The following GALNT10 variants were observed in gnomAD, a reference collection of about 807,000 sequenced individuals.
GALNT10 encodes the protein polypeptide N-acetylgalactosaminyltransferase 10, also known as GalNAc transferase 10.
In GALNT10, 41 loss-of-function variants were observed where a neutral mutation model predicts 75.0. The ratio of observed to expected loss-of-function variants is 0.55; its 90% CI spans 0.43 to 0.71. GALNT10 has a LOEUF of 0.71. Among genes scored for constraint, GALNT10 ranks in the 30% least tolerant of loss-of-function variants. The pLI is 0.00. For missense variants in GALNT10, 727 were observed against 818.5 expected (o/e 0.89, Z 1.36); for synonymous variants, 302 against 313.0 (o/e 0.96, Z 0.37).
chr5:154,370,117 T>C (rs1205817063), intron 4 of GALNT10, among the ~76,000 whole-genome samples: 1 of 152,246 alleles, frequency 6.6e-6, no homozygotes, highest in Admixed American at 6.5e-5. Context: ...ACTTGTTAGC[T>C]GTGTAGCCTT....
intron 7 of GALNT10, among the ~76,000 whole-genome samples, chr5:154,401,661 C>T (rs573797941): frequency 6.6e-6 from 1 of 152,186 alleles, no homozygotes; most frequent in Admixed American, 6.5e-5. Flanking sequence ...CTCCAGGCAG[C>T]ACTTCCAATA....
Position 154,415,946 on chromosome 5 carries a change from C to CG in GALNT10, c.1653+20dup, listed in dbSNP as rs751132881. On this transcript the variant is annotated intron_variant, in intron 11 of 11. Coordinates refer to ENST00000297107, the MANE Select transcript of GALNT10 (RefSeq NM_198321.4). ...AAATACCGCAAAGTAAGATGGGATG[C>CG]GGGGGGAGCAGGGCACCTGCTTAAT... 5 of 1,611,692 alleles carry CG rather than the reference C, an allele frequency of 3.1e-6. No individual in the cohort carries two copies. The highest frequency in any genetic ancestry group is 4.2e-6 in the Non-Finnish European group (5 of 1,178,372).
chr5:154,370,926 G>A (rs1755553867), intron 4 of GALNT10, among the ~76,000 whole-genome samples: 1 of 152,204 alleles, frequency 6.6e-6, no homozygotes, highest in Admixed American at 6.5e-5. Flanking sequence ...TTCCTGCCAT[G>A]TCACTGTCAC....
intron 3 of GALNT10, among the ~76,000 whole-genome samples, chr5:154,323,245 A>T: frequency 6.6e-6 from 1 of 152,108 alleles, no homozygotes. Context: ...GGTGGCACCC[A>T]CCTGTAGTCC....
At chr5:154,302,042 G>A (rs183520442) in intron 3 of GALNT10, among the ~76,000 whole-genome samples, 3 of 152,320 alleles carry the variant, frequency 2.0e-5, no homozygotes, top group East Asian at 3.9e-4. Flanking sequence ...CAGATGTCTC[G>A]AAGAGATTTC....
At chr5:154,344,692 T>A (rs1050550883) in intron 4 of GALNT10, among the ~76,000 whole-genome samples, 3 of 152,226 alleles carry the variant, frequency 2.0e-5, no homozygotes, top group Non-Finnish European at 2.9e-5. Flanking sequence ...ACACAAAGTC[T>A]ATTTTTAAAT....
intron 1 of GALNT10, among the ~76,000 whole-genome samples, chr5:154,242,236 A>AT (rs1166175807): frequency 2.0e-5 from 3 of 152,054 alleles, no homozygotes; most frequent in African/African-American, 7.2e-5. Context: ...ATAAAGCACT[A>AT]TTTTTTTAGG....
chr5:154,213,466 T>G (rs1752808967), intron 1 of GALNT10, among the ~76,000 whole-genome samples: 1 of 152,236 alleles, frequency 6.6e-6, no homozygotes, highest in Admixed American at 6.5e-5. Flanking sequence ...AAGCTGGGTT[T>G]CAGGAAGCTG....
At chr5:154,414,308 A>G (rs1305210053) in intron 10 of GALNT10, among the ~76,000 whole-genome samples, 1 of 152,212 alleles carries the variant, frequency 6.6e-6, no homozygotes, top group Non-Finnish European at 1.5e-5. Flanking sequence ...CTTGTACACT[A>G]ATGTTCATAG....
intron 1 of GALNT10, chr5:154,219,723 G>A (rs544000007): frequency 6.7e-6 from 1 of 150,032 alleles, no homozygotes; most frequent in Admixed American, 6.6e-5. Context: ...GAACCTCTCA[G>A]TGATCTTTCC....
chr5:154,276,076 A>G (rs544190804), intron 1 of GALNT10, among the ~76,000 whole-genome samples: 4 of 152,338 alleles, frequency 2.6e-5, no homozygotes, highest in Non-Finnish European at 5.9e-5. Context: ...GCTTAAAACA[A>G]TAAGAATTTA....
intron 3 of GALNT10, among the ~76,000 whole-genome samples, chr5:154,311,613 CT>C (rs67653636): frequency 0.093 from 13,036 of 140,290 alleles, 542 homozygotes; most frequent in Middle Eastern, 0.19. Flanking sequence ...AGAATGGAGA[CT>C]TTTTTTTTTT....
At chr5:154,257,798 G>T (rs1301663133) in intron 1 of GALNT10, among the ~76,000 whole-genome samples, 1 of 152,076 alleles carries the variant, frequency 6.6e-6, no homozygotes, top group African/African-American at 2.4e-5. Flanking sequence ...ACATTTATCT[G>T]ACATCATTAG....
intron 1 of GALNT10, among the ~76,000 whole-genome samples, chr5:154,197,617 G>C (rs1280122854): frequency 6.6e-6 from 1 of 152,162 alleles, no homozygotes; most frequent in African/African-American, 2.4e-5. Flanking sequence ...CTGAGCTTCA[G>C]ATGTTAAATT....
Position 154,417,132 on chromosome 5 carries a change from G to A in GALNT10, c.*160G>A, listed in dbSNP as rs971399931. ...TGATTCAGGGGCTGGGGTCTGCCTG[G>A]TCCTTGAGCCCCTGAGTTGTGGGGG... On this transcript the variant is annotated 3_prime_UTR_variant, in exon 12 of 12. Transcript: ENST00000297107. 4.7e-6 allele frequency: 3 copies of A among 640,168 alleles called. No homozygotes were observed. Among genetic ancestry groups the A allele is most frequent in the Non-Finnish European group, 8.1e-6 (3 of 368,190 alleles). 39.7% of individuals were successfully genotyped at this position (640,168 alleles called of 1,614,324 possible). A position where few individuals can be genotyped will look rare whatever the true frequency, so the allele number is the denominator to read the frequency against.
chr5:154,193,333 T>G (rs1223965953), intron 1 of GALNT10, among the ~76,000 whole-genome samples: 2 of 152,200 alleles, frequency 1.3e-5, no homozygotes, highest in Non-Finnish European at 2.9e-5. Context: ...AGCCCCTTTT[T>G]GTTTCACTCT....
chr5:154,235,479 T>C (rs983073923), intron 1 of GALNT10, among the ~76,000 whole-genome samples: 2 of 152,130 alleles, frequency 1.3e-5, no homozygotes, highest in African/African-American at 2.4e-5. Context: ...GAAAGGGCCT[T>C]AGGGGTTGAT....
At chr5:154,291,865 A>C (rs193260770) in intron 1 of GALNT10, among the ~76,000 whole-genome samples, 1 of 152,194 alleles carries the variant, frequency 6.6e-6, no homozygotes, top group East Asian at 1.9e-4. Context: ...GGTGAAATGC[A>C]ATAAGGAATG....
intron 1 of GALNT10, among the ~76,000 whole-genome samples, chr5:154,248,445 C>T (rs1753465809): frequency 6.6e-6 from 1 of 152,074 alleles, no homozygotes; most frequent in East Asian, 1.9e-4. Flanking sequence ...TGGTCCTGGA[C>T]TTTTTTTGGT....
Sources: allele counts gnomAD v4.1 joint callset (sites outside exome capture counted in the v4.1 genomes callset), GRCh38; gene constraint gnomAD v4.1.1; transcripts MANE v1.5; gene names NCBI Gene and HGNC (gene_info 2026-07-23, HGNC 2026-07-21).